NBAS: variants seen among roughly 807,000 people sequenced by gnomAD.
NBAS encodes the protein NAG/BC035112 fusion.
A neutral mutation model predicts 302.5 loss-of-function variants in NBAS; 219 were observed. The observed-to-expected ratio is 0.72, with a 90% CI of 0.65 to 0.81. NBAS has a LOEUF of 0.81. NBAS is among the 30% of genes least tolerant of loss of function. The probability of loss-of-function intolerance (pLI) is 0.00; values close to 1 mark genes in which losing one functional copy is unlikely to be tolerated. For synonymous variants in NBAS, 1,118 were observed against 1,021.6 expected (o/e 1.09, Z -1.80); for missense variants, 2,932 against 2,841.6 (o/e 1.03, Z -0.72).
In NBAS at chr2:15,511,330, C is replaced by T. The variant is rs575240073; in HGVS notation, c.767G>A (p.Cys256Tyr). Residue 256 changes from cysteine (C) to tyrosine (Y), a missense_variant, in exon 10 of 52, where the codon TGT becomes TAT. Physicochemically the swap from Cys to Tyr is radical, Grantham distance 194. Coordinates refer to ENST00000281513, the MANE Select transcript of NBAS (RefSeq NM_015909.4). ...TGACATGCCTACTTCAGCAGTTTCA[C>T]ATCCACCAACAAGTAAAAGTCTAAA... is the stretch of plus-strand genomic sequence containing the variant. ...PGHRLLLVGG[C>Y]ETAEVGMSKA... is the part of the protein sequence containing the mutation. 1.4e-4 allele frequency: 230 copies of T among 1,614,014 alleles called. 1 individual carries two copies. In the South Asian group the frequency reaches 2.3e-3, roughly 16 times the overall value.
At chr2:15,096,886 G>A in the NBAS span, among the ~76,000 whole-genome samples, 1 of 152,212 alleles carries the variant, frequency 6.6e-6, no homozygotes, top group South Asian at 2.1e-4. Flanking sequence ...GCAAAACAGG[G>A]AGAAAGTTTA....
the NBAS span, among the ~76,000 whole-genome samples, chr2:14,914,147 G>A: frequency 1.1e-3 from 166 of 152,232 alleles, no homozygotes; most frequent in Non-Finnish European, 2.0e-3. Context: ...CAGTATGGAG[G>A]AAACTGTCCC....
chr2:15,406,832 C>G (rs899806972), intron 25 of NBAS, among the ~76,000 whole-genome samples: 3 of 152,180 alleles, frequency 2.0e-5, no homozygotes, highest in African/African-American at 4.8e-5. Flanking sequence ...TGAAACAACA[C>G]TGAAATACCA....
chr2:15,499,005 T>C (rs1304981503), intron 11 of NBAS, among the ~76,000 whole-genome samples: 1 of 151,736 alleles, frequency 6.6e-6, no homozygotes, highest in Non-Finnish European at 1.5e-5. Flanking sequence ...CTTGGCTCAC[T>C]GTAACCTCTA....
At chr2:15,472,927 G>C (rs1274546267) in intron 16 of NBAS, among the ~76,000 whole-genome samples, 1 of 152,176 alleles carries the variant, frequency 6.6e-6, no homozygotes, top group African/African-American at 2.4e-5. Flanking sequence ...ACTAGCTCTT[G>C]ACTCATGCAG....
At chr2:14,900,091 A>G in the NBAS span, among the ~76,000 whole-genome samples, 1 of 151,234 alleles carries the variant, frequency 6.6e-6, no homozygotes, top group Non-Finnish European at 1.5e-5. Context: ...GAGAGTTCCG[A>G]AGTCGATTTT....
At position 15,551,516 on chromosome 2, in the gene NBAS, G is replaced by A; in HGVS notation, c.356C>T (p.Thr119Ile). The A allele has an allele frequency of 6.2e-7, 1 of 1,609,446 alleles. No individual in the cohort carries two copies. Among genetic ancestry groups the A allele is most frequent in the East Asian group, 2.2e-5 (1 of 44,744 alleles). Reference protein sequence around the residue: ...VEIRSAKDDFTSIIGKCQVPK... With the variant: ...VEIRSAKDDFISIIGKCQVPK... Reference sequence around the variant, plus strand: ...ACCTTGACATTTCCCAATAATGGATGTAAAATCATCTTTTGCAGACCTGTA... The same window carrying A: ...ACCTTGACATTTCCCAATAATGGATATAAAATCATCTTTTGCAGACCTGTA... The change falls in exon 6 of 52, where the codon ACA becomes ATA. Residue 119 changes from threonine to isoleucine, a missense_variant. Physicochemically the swap from Thr to Ile is moderately conservative, Grantham distance 89. Transcript: ENST00000281513.
At chr2:15,380,372 A>G (rs1322834437) in intron 29 of NBAS, among the ~76,000 whole-genome samples, 1 of 152,154 alleles carries the variant, frequency 6.6e-6, no homozygotes. Flanking sequence ...GAGCCACTGC[A>G]TGCAGCCCCA....
At chr2:14,979,651 A>T in the NBAS span, among the ~76,000 whole-genome samples, 1 of 152,216 alleles carries the variant, frequency 6.6e-6, no homozygotes, top group East Asian at 1.9e-4. Context: ...ACCAAGTAAC[A>T]TAGATCTATA....
the NBAS span, among the ~76,000 whole-genome samples, chr2:14,878,594 C>A: frequency 6.6e-6 from 1 of 152,076 alleles, no homozygotes; most frequent in East Asian, 1.9e-4. Context: ...GAGCAGGATC[C>A]CAGGATATCC....
intron 19 of NBAS, 113 bp downstream of exon 19, chr2:15,467,216 T>C (rs1679760228): frequency 1.1e-5 from 9 of 811,392 alleles, no homozygotes; most frequent in Admixed American, 2.4e-5. Flanking sequence ...AGAAATTAAT[T>C]TTTCCCAGAA....
At chr2:14,960,584 A>C in the NBAS span, among the ~76,000 whole-genome samples, 3 of 152,214 alleles carry the variant, frequency 2.0e-5, no homozygotes, top group Admixed American at 6.5e-5. Context: ...GCTTTAAAAC[A>C]AAGACACTCT....
intron 42 of NBAS, 47 bp from the exon 43 acceptor site, chr2:15,277,148 T>A (rs1452957440): frequency 1.3e-6 from 2 of 1,547,958 alleles, no homozygotes; most frequent in Non-Finnish European, 1.7e-6. Context: ...TGTTCCTTTA[T>A]TAAAGTGATT....
the NBAS span, among the ~76,000 whole-genome samples, chr2:14,847,161 A>T: frequency 3.9e-5 from 6 of 152,124 alleles, no homozygotes; most frequent in African/African-American, 1.4e-4. Context: ...AGGTGGGTAG[A>T]TCACGAGGTC....
chr2:14,962,146 G>A, the NBAS span, among the ~76,000 whole-genome samples: 2 of 152,146 alleles, frequency 1.3e-5, no homozygotes, highest in Non-Finnish European at 1.5e-5. Context: ...GTTTGATACT[G>A]TGGATATTTT....
the NBAS span, among the ~76,000 whole-genome samples, chr2:15,100,061 T>C: frequency 6.6e-6 from 1 of 152,152 alleles, no homozygotes; most frequent in Non-Finnish European, 1.5e-5. Flanking sequence ...TTCCAATGCC[T>C]CAGATAGTTG....
intron 42 of NBAS, among the ~76,000 whole-genome samples, chr2:15,285,747 G>T (rs1410712838): frequency 6.6e-6 from 1 of 152,128 alleles, no homozygotes; most frequent in Non-Finnish European, 1.5e-5. Context: ...CCACCTCCTG[G>T]GTTCAAGCTA....
At chr2:15,355,082 G>A (rs772069780) in intron 33 of NBAS, among the ~76,000 whole-genome samples, 1 of 152,110 alleles carries the variant, frequency 6.6e-6, no homozygotes, top group Non-Finnish European at 1.5e-5. Context: ...AATAGTCCTT[G>A]TTGTTATTAA....
chr2:14,835,660 A>G, the NBAS span, among the ~76,000 whole-genome samples: 1 of 151,922 alleles, frequency 6.6e-6, no homozygotes, highest in Non-Finnish European at 1.5e-5. Flanking sequence ...ATACATACCC[A>G]GGTTGTTATA....
Sources: allele counts gnomAD v4.1 joint callset (sites outside exome capture counted in the v4.1 genomes callset), GRCh38; gene constraint gnomAD v4.1.1; transcripts MANE v1.5; gene names NCBI Gene and HGNC (gene_info 2026-07-23, HGNC 2026-07-21).